The following SV2B variants were observed in gnomAD, a reference collection of about 807,000 sequenced individuals.
SV2B encodes solute carrier family 22 member B2.
Under a neutral mutation model 73.9 loss-of-function variants are expected in SV2B, and 41 were observed. The observed-to-expected ratio is 0.56, with a 90% CI of 0.43 to 0.72. SV2B has a LOEUF of 0.72. Ranked by LOEUF, SV2B falls within the 30% of genes least tolerant of loss-of-function variation. The pLI is 0.00. For missense variants in SV2B, 764 were observed against 857.8 expected (o/e 0.89, Z 1.37); for synonymous variants, 314 against 314.2 (o/e 1.00, Z 0.01).
chr15:91,127,644 C>T (rs1217693109), intron 1 of SV2B, among the ~76,000 whole-genome samples: 2 of 152,056 alleles, frequency 1.3e-5, no homozygotes, highest in Admixed American at 6.6e-5. Flanking sequence ...ACAGAAGGGG[C>T]CCAGGGACAG....
intron 1 of SV2B, among the ~76,000 whole-genome samples, chr15:91,101,332 C>T (rs2041718546): frequency 6.6e-6 from 1 of 152,094 alleles, no homozygotes; most frequent in Non-Finnish European, 1.5e-5. Flanking sequence ...TTTCTGCTTC[C>T]TGCCCTTTCC....
chr15:91,299,725 A>G lies in SV2B; in HGVS notation c.*7173A>G, dbSNP rs1354677771. The G allele has an allele frequency of 6.6e-6, 1 of 152,066 alleles. No homozygotes were observed. The highest frequency in any genetic ancestry group is 1.5e-5 in the Non-Finnish European group (1 of 68,010). The allele number at this position is 152,066 out of a possible 1,614,324, so 9.4% of individuals were successfully genotyped here. Reference sequence around the variant, plus strand: ...AGTGGTGCAATCTTGGCTTGCTGCAATCTCCACCTCCCAGGTTCAAGCGAT... The same window carrying G: ...AGTGGTGCAATCTTGGCTTGCTGCAGTCTCCACCTCCCAGGTTCAAGCGAT... On this transcript the variant is annotated 3_prime_UTR_variant, in exon 13 of 13. Coordinates refer to ENST00000394232, the MANE Select transcript of SV2B (RefSeq NM_001323032.3).
Position 91,224,946 on chromosome 15 carries a change from A to G in SV2B, c.-391-927A>G, listed in dbSNP as rs1236840123. Reference sequence around the variant, plus strand: ...TAGGATGAGATCTTGGCTCTAGACAACATTGCCTCCTGGTGTCCAGAATTG... The same window carrying G: ...TAGGATGAGATCTTGGCTCTAGACAGCATTGCCTCCTGGTGTCCAGAATTG... On this transcript the variant is annotated intron_variant, in intron 1 of 12. Transcript: ENST00000394232. The surrounding 1 kb of genome is among the most constrained non-coding windows in gnomAD (Gnocchi z 4.9). Among the ~76,000 whole-genome samples the G allele has an allele frequency of 6.6e-6, 1 of 152,222 alleles. No individual in the cohort carries two copies. The highest frequency in any genetic ancestry group is 2.4e-5 in the African/African-American group (1 of 41,462).
At chr15:91,172,899 C>T (rs1194880078) in intron 1 of SV2B, among the ~76,000 whole-genome samples, 1 of 151,690 alleles carries the variant, frequency 6.6e-6, no homozygotes, top group Non-Finnish European at 1.5e-5. Flanking sequence ...CCAAGTACAC[C>T]GAGATGAGTA....
At chr15:91,145,497 A>T (rs1481789062) in intron 1 of SV2B, among the ~76,000 whole-genome samples, 4 of 152,320 alleles carry the variant, frequency 2.6e-5, no homozygotes, top group Admixed American at 1.3e-4. Context: ...TCCTTTGGGT[A>T]TATACCCAGT....
chr15:91,289,658 G>C lies in SV2B; in HGVS notation c.1846G>C (p.Glu616Gln), dbSNP rs2048975958. Residue 616 changes from glutamate to glutamine, a missense_variant, in exon 12 of 13, where the codon GAG becomes CAG. Coordinates refer to ENST00000394232, the MANE Select transcript of SV2B (RefSeq NM_001323032.3). This position sits in a 1 kb window ranked among gnomAD's most constrained non-coding sequence, Gnocchi z 4.9. ...GAATGCTCTGGATGTGATCACAGTGGAGCTGTATCCCACCAACCAGAGGTC... is the reference window on the plus strand; with the variant it reads ...GAATGCTCTGGATGTGATCACAGTGCAGCTGTATCCCACCAACCAGAGGTC... ...AWNALDVITV[E>Q]LYPTNQRATA... is the part of the protein sequence containing the mutation. 1 of 1,613,448 alleles carries C rather than the reference G, an allele frequency of 6.2e-7. No individual in the cohort carries two copies. The highest frequency in any genetic ancestry group is 8.5e-7 in the Non-Finnish European group (1 of 1,180,002).
chr15:91,217,578 A>G (rs977591326), intron 1 of SV2B, among the ~76,000 whole-genome samples: 1 of 152,244 alleles, frequency 6.6e-6, no homozygotes, highest in Non-Finnish European at 1.5e-5. Flanking sequence ...AATAAAAAAG[A>G]ATAAACAGCC....
intron 1 of SV2B, among the ~76,000 whole-genome samples, chr15:91,127,340 G>T (rs1203799323): frequency 6.6e-6 from 1 of 151,994 alleles, no homozygotes; most frequent in Non-Finnish European, 1.5e-5. Context: ...CTAATTAACG[G>T]GCAGAGGCCA....
rs774294638 is a variant in SV2B, at chr15:91,130,278, A to G, written c.-392+29915A>G. Among the ~76,000 whole-genome samples the G allele has an allele frequency of 3.3e-5, 5 of 152,176 alleles. No individual in the cohort carries two copies. The highest frequency in any genetic ancestry group is 4.8e-5 in the African/African-American group (2 of 41,440). On this transcript the variant is annotated intron_variant, in intron 1 of 12. Coordinates refer to ENST00000394232, the MANE Select transcript of SV2B (RefSeq NM_001323032.3). This position sits in a 1 kb window ranked among gnomAD's most constrained non-coding sequence, Gnocchi z 5.6. ...AGAGGATGGGAGGAGTGTTGGAGGA[A>G]TACTGAATTCCATATTGGGCTCTCT...
chr15:91,165,008 T>C (rs1013104610), intron 1 of SV2B, among the ~76,000 whole-genome samples: 7 of 152,178 alleles, frequency 4.6e-5, no homozygotes, highest in African/African-American at 1.4e-4. Flanking sequence ...ATCTTTGGCG[T>C]CTGCATCTGT....
In SV2B at chr15:91,268,311, G is replaced by C. The variant is rs375746735; in HGVS notation, c.1209-130G>C. On this transcript the variant is annotated intron_variant, in intron 8 of 12. Coordinates refer to ENST00000394232, the MANE Select transcript of SV2B (RefSeq NM_001323032.3). This position sits in a 1 kb window ranked among gnomAD's most constrained non-coding sequence, Gnocchi z 4.4. ...ATTAATATGAGGATTTATATTGTCA[G>C]ATTTTCTAATAATGAACCAAATTAA... 9.4e-6 allele frequency: 9 copies of C among 952,406 alleles called. No individual in the cohort carries two copies. Among genetic ancestry groups the C allele is most frequent in the African/African-American group, 5.0e-5 (3 of 60,132 alleles). 59.0% of individuals were successfully genotyped at this position (952,406 alleles called of 1,614,324 possible).
chr15:91,183,241 C>T (rs2044652028), intron 1 of SV2B, among the ~76,000 whole-genome samples: 1 of 152,274 alleles, frequency 6.6e-6, no homozygotes, highest in Admixed American at 6.5e-5. Flanking sequence ...AGATTACATA[C>T]AAATTAGGAT....
At chr15:91,119,922 G>A (rs1168719515) in intron 1 of SV2B, among the ~76,000 whole-genome samples, 1 of 152,104 alleles carries the variant, frequency 6.6e-6, no homozygotes. Context: ...TTTAAATTAA[G>A]CATTAGTGTT....
intron 1 of SV2B, among the ~76,000 whole-genome samples, chr15:91,163,504 C>T (rs988851170): frequency 3.9e-5 from 6 of 152,194 alleles, no homozygotes; most frequent in African/African-American, 1.4e-4. Context: ...TTGCATTTCT[C>T]TGATGGCCAG....
chr15:91,111,188 G>A (rs1023713276), intron 1 of SV2B, among the ~76,000 whole-genome samples: 6 of 152,160 alleles, frequency 3.9e-5, no homozygotes, highest in South Asian at 2.1e-4. Context: ...GTCAGAGGCC[G>A]GGCTAGTCCT....
At chr15:91,163,906 T>C (rs1351648611) in intron 1 of SV2B, among the ~76,000 whole-genome samples, 2 of 152,160 alleles carry the variant, frequency 1.3e-5, no homozygotes, top group African/African-American at 4.8e-5. Flanking sequence ...GGTCTAACAT[T>C]TAAGTCTTTA....
At chr15:91,209,902 C>T (rs1434320041) in intron 1 of SV2B, among the ~76,000 whole-genome samples, 1 of 152,346 alleles carries the variant, frequency 6.6e-6, no homozygotes, top group Non-Finnish European at 1.5e-5. Context: ...AAACACTAGG[C>T]TTTAGCACTA....
Position 91,284,020 on chromosome 15 carries a change from G to T in SV2B, c.1508-1G>T, listed in dbSNP as rs965275710. The T allele has an allele frequency of 6.2e-7, 1 of 1,614,034 alleles. No individual in the cohort carries two copies. On this transcript the variant is annotated splice_acceptor_variant, in intron 10 of 12. Coordinates refer to ENST00000394232, the MANE Select transcript of SV2B (RefSeq NM_001323032.3). LOFTEE classifies it high-confidence loss of function. This position sits in a 1 kb window ranked among gnomAD's most constrained non-coding sequence, Gnocchi z 4.5. ...AACCGAAGGTTTCCTTCTCTCCCCA[G>T]ACCTCTACGAGCACAAGTTCATCAA...
chr15:91,287,766 T>C (rs2048909389), intron 11 of SV2B, among the ~76,000 whole-genome samples: 1 of 152,152 alleles, frequency 6.6e-6, no homozygotes, highest in South Asian at 2.1e-4. Context: ...ACTTTACTCA[T>C]AGAGCTTTTA....
Sources: gnomAD v4.1 joint callset for allele counts (sites outside exome capture counted in the v4.1 genomes callset) on GRCh38, gnomAD v4.1.1 for gene constraint, Gnocchi (gnomAD v3.1) non-coding constraint, MANE v1.5 for transcripts, NCBI Gene and HGNC (gene_info 2026-07-23, HGNC 2026-07-21) for gene names.